The following FZR1 variants were observed in gnomAD, a reference collection of about 807,000 sequenced individuals.
The protein encoded by FZR1 is fizzy-related protein homolog.
FZR1 carries 11 observed loss-of-function variants against 63.6 expected under a neutral mutation model. The observed-to-expected ratio is 0.17, with a 90% CI of 0.11 to 0.29. The LOEUF (loss-of-function observed/expected upper bound fraction) is 0.29. FZR1 is among the 10% of genes least tolerant of loss of function. The probability of loss-of-function intolerance (pLI) is 1.00; values close to 1 mark genes in which losing one functional copy is unlikely to be tolerated. For synonymous variants in FZR1, 328 were observed against 297.9 expected, an observed-to-expected ratio of 1.10 and a Z score of -1.04; for missense variants, 440 against 687.5, an observed-to-expected ratio of 0.64 and a Z score of 4.03.
intron 7 of FZR1, among the ~76,000 whole-genome samples, chr19:3,529,877 C>T (rs1318602900): frequency 3.0e-5 from 2 of 66,228 alleles, no homozygotes; most frequent in Non-Finnish European, 5.8e-5. Context: ...GGTGGGTGAG[C>T]GGGTGGGAGA....
At chr19:3,506,500 G>T (rs1410665627) in intron 1 of FZR1, 26 bp downstream of exon 1, 2 of 151,520 alleles carry the variant, frequency 1.3e-5, no homozygotes, top group African/African-American at 2.4e-5. Context: ...TCGGGGACCC[G>T]CCCCCCGGGC....
intron 1 of FZR1, among the ~76,000 whole-genome samples, chr19:3,513,844 T>C (rs10417686): frequency 0.32 from 47,950 of 151,996 alleles, 12,023 homozygotes; most frequent in African/African-American, 0.7. Context: ...GGTGGGGGGA[T>C]GCCCTGGTGT....
intron 1 of FZR1, among the ~76,000 whole-genome samples, chr19:3,517,314 T>G (rs2083065419): frequency 6.6e-6 from 1 of 151,766 alleles, no homozygotes; most frequent in Non-Finnish European, 1.5e-5. Flanking sequence ...CACTTGAGTC[T>G]AGGAGGCAAA....
chr19:3,508,476 C>T (rs926894497), intron 1 of FZR1, among the ~76,000 whole-genome samples: 2 of 152,184 alleles, frequency 1.3e-5, no homozygotes, highest in African/African-American at 4.8e-5. Flanking sequence ...TGATTACAGG[C>T]GTGCGCCACC....
In FZR1 at chr19:3,525,597, C is replaced by T. The variant is rs905142641; in HGVS notation, c.70-271C>T. On this transcript the variant is annotated intron_variant, in intron 2 of 13. Coordinates refer to ENST00000441788, the MANE Select transcript of FZR1 (RefSeq NM_016263.4). This position sits in a 1 kb window ranked among gnomAD's most constrained non-coding sequence, Gnocchi z 4.2. ...AGCTGGGACTACAGGCGCCTGCCAC[C>T]ACGCCCGGCTGATTTTTTGTATTTT... 2.6e-5 allele frequency among the ~76,000 whole-genome samples: 4 copies of T among 152,048 alleles called. No homozygotes were observed. Among genetic ancestry groups the T allele is most frequent in the Non-Finnish European group, 5.9e-5 (4 of 67,978 alleles).
chr19:3,534,230 A>T, intron 12 of FZR1, 191 bp from the exon 13 acceptor site: 5 of 261,006 alleles, frequency 1.9e-5, no homozygotes, highest in Non-Finnish European at 2.8e-5. Context: ...TTAAAATTAA[A>T]AAAAAAAAAA....
intron 7 of FZR1, among the ~76,000 whole-genome samples, chr19:3,530,435 GATGGGAGAGCGCATGGGAGAGCGC>G (rs1370369566): frequency 2.7e-5 from 2 of 73,898 alleles, no homozygotes; most frequent in South Asian, 5.1e-4. Flanking sequence ...TGGGAGAGCG[GATGGGAGAGCGCATGGGAGAGCGC>G]ATGGATGAGC....
rs1158257668 is a variant in FZR1 at position 3,516,641 on chromosome 19, G to A, written c.-34-6315G>A. ...GATACAGGACCCTCCAGATCTCGGA[G>A]GTGGGAAGACAGTCTGCACACCCGT... On this transcript the variant is annotated intron_variant, in intron 1 of 13. Transcript: ENST00000441788. This position sits in a 1 kb window ranked among gnomAD's most constrained non-coding sequence, Gnocchi z 6.0. Among the ~76,000 whole-genome samples the A allele has an allele frequency of 6.6e-6, 1 of 152,202 alleles. No individual in the cohort carries two copies. Among genetic ancestry groups the A allele is most frequent in the Non-Finnish European group, 1.5e-5 (1 of 68,032 alleles).
At chr19:3,534,672 G>C in intron 13 of FZR1, 123 bp from the exon 14 acceptor site, 1 of 966,306 alleles carries the variant, frequency 1.0e-6, no homozygotes. Flanking sequence ...AGTGTGGCAG[G>C]CCGAGGCTGA....
At chr19:3,532,994 G>A (rs796524433) in intron 11 of FZR1, among the ~76,000 whole-genome samples, 13 of 152,244 alleles carry the variant, frequency 8.5e-5, no homozygotes, top group East Asian at 3.9e-4. Flanking sequence ...CAGCCACTCC[G>A]GGCGTGTCAC....
chr19:3,524,065 G>A (rs375639456), intron 2 of FZR1, among the ~76,000 whole-genome samples: 18 of 152,224 alleles, frequency 1.2e-4, no homozygotes, highest in African/African-American at 3.6e-4. Context: ...TAGAATTAGA[G>A]GTGTCTTTGC....
At chr19:3,512,870 G>C (rs750194698) in intron 1 of FZR1, among the ~76,000 whole-genome samples, 1 of 152,192 alleles carries the variant, frequency 6.6e-6, no homozygotes, top group Non-Finnish European at 1.5e-5. Flanking sequence ...GACACTCCTG[G>C]GCGCAGGGCA....
intron 1 of FZR1, among the ~76,000 whole-genome samples, chr19:3,507,229 A>G (rs915091818): frequency 7.4e-6 from 1 of 134,438 alleles, no homozygotes; most frequent in Non-Finnish European, 1.5e-5. Context: ...CTATCCGTGC[A>G]CAAGCCCCTC....
chr19:3,526,020 G>C lies in FZR1; in HGVS notation c.195+27G>C. On this transcript the variant is annotated intron_variant, in intron 3 of 13. Coordinates refer to ENST00000441788, the MANE Select transcript of FZR1 (RefSeq NM_016263.4). This position sits in a 1 kb window ranked among gnomAD's most constrained non-coding sequence, Gnocchi z 5.4. Reference sequence around the variant, plus strand: ...TGAGGGGCTGGCTGGGCAGGAGATGGGACCCCCCGGGAAGCCCAGGGCCCC... The same window carrying C: ...TGAGGGGCTGGCTGGGCAGGAGATGCGACCCCCCGGGAAGCCCAGGGCCCC... 6 of 1,611,164 alleles carry C rather than the reference G, an allele frequency of 3.7e-6. No individual in the cohort carries two copies. Among genetic ancestry groups the C allele is most frequent in the Non-Finnish European group, 5.1e-6 (6 of 1,179,288 alleles).
Position 3,534,520 on chromosome 19 carries a change from T to G in FZR1, c.1440+7T>G. 6.3e-7 allele frequency: 1 copy of G among 1,585,068 alleles called. No homozygotes were observed. Among genetic ancestry groups the G allele is most frequent in the Non-Finnish European group, 8.6e-7 (1 of 1,159,508 alleles). On this transcript the variant is annotated splice_region_variant and intron_variant, in intron 13 of 13. Coordinates refer to ENST00000441788, the MANE Select transcript of FZR1 (RefSeq NM_016263.4). ...CAAAACCCGTTCGACAAAGGTAAAG[T>G]GGGTCGGTATCAGCGCCACTCGCCC...
intron 10 of FZR1, 94 bp from the exon 11 acceptor site, chr19:3,532,323 G>T: frequency 1.0e-6 from 1 of 984,048 alleles, no homozygotes; most frequent in Non-Finnish European, 1.5e-6. Flanking sequence ...GGAGTGTGGG[G>T]TGGGGTGCCA....
At chr19:3,523,100 C>T in intron 2 of FZR1, 42 bp downstream of exon 2, 1 of 1,225,154 alleles carries the variant, frequency 8.2e-7, no homozygotes, top group Non-Finnish European at 1.2e-6. Flanking sequence ...CTCCCCCTCC[C>T]CCAGCTGCCT....
At chr19:3,522,634 AG>A (rs1398718504) in intron 1 of FZR1, among the ~76,000 whole-genome samples, 1 of 152,204 alleles carries the variant, frequency 6.6e-6, no homozygotes, top group East Asian at 1.9e-4. Context: ...GCCCACGCTC[AG>A]GGAAGAGTCC....
chr19:3,526,402 C>A lies in FZR1; in HGVS notation c.387+16C>A, dbSNP rs1386694011. ...TCTGTTCACGGTAAGCCTGCGGCAC[C>A]CCCCACCCGGGAGCTGGCTCCCAGT... On this transcript the variant is annotated intron_variant, in intron 5 of 13. Transcript: ENST00000441788. This position sits in a 1 kb window ranked among gnomAD's most constrained non-coding sequence, Gnocchi z 5.4. 14 of 1,553,554 alleles carry A rather than the reference C, an allele frequency of 9.0e-6. No homozygotes were observed. Among genetic ancestry groups the A allele is most frequent in the Non-Finnish European group, 1.2e-5 (14 of 1,148,540 alleles).
Sources: gnomAD v4.1 joint callset for allele counts (sites outside exome capture counted in the v4.1 genomes callset) on GRCh38, gnomAD v4.1.1 for gene constraint, Gnocchi (gnomAD v3.1) non-coding constraint, MANE v1.5 for transcripts, NCBI Gene and HGNC (gene_info 2026-07-23, HGNC 2026-07-21) for gene names.